Variants in RXFP1 observed in about 807,000 individuals in gnomAD.
RXFP1 encodes relaxin family peptide receptor 1.
Under a neutral mutation model 89.8 loss-of-function variants are expected in RXFP1, and 73 were observed. That is an observed-to-expected ratio of 0.81 (90% CI 0.67 to 0.99). The LOEUF (loss-of-function observed/expected upper bound fraction) is 0.99. Ranked by LOEUF, RXFP1 falls within the 50% of genes least tolerant of loss-of-function variation. The pLI is 0.00. For synonymous variants in RXFP1, 277 were observed against 305.5 expected, an observed-to-expected ratio of 0.91 and a Z score of 0.97; for missense variants, 793 against 895.5, an observed-to-expected ratio of 0.89 and a Z score of 1.46.
intron 14 of RXFP1, among the ~76,000 whole-genome samples, chr4:158,641,669 T>C (rs1770402488): frequency 1.3e-5 from 2 of 152,226 alleles, no homozygotes; most frequent in African/African-American, 4.8e-5. Flanking sequence ...CATCAGGTTT[T>C]TATCTTTTCT....
intron 11 of RXFP1, among the ~76,000 whole-genome samples, chr4:158,632,246 C>T (rs1291346999): frequency 1.3e-5 from 2 of 152,116 alleles, no homozygotes; most frequent in Non-Finnish European, 2.9e-5. Flanking sequence ...GCAGCAAAGA[C>T]GTTTATAATA....
chr4:158,645,106 A>G lies in RXFP1; in HGVS notation c.1313A>G (p.Lys438Arg). Residue 438 changes from lysine (K) to arginine (R), a missense_variant, in exon 15 of 18, where the codon AAG becomes AGG. Transcript: ENST00000307765. ...CGACCTTATATCAGGTCTGAGAACAAGCTGTATGCCATGTCAATCATTTCT... is the reference window on the plus strand; with the variant it reads ...CGACCTTATATCAGGTCTGAGAACAGGCTGTATGCCATGTCAATCATTTCT... Reference protein sequence around the residue: ...CMRPYIRSENKLYAMSIISLC... With the variant: ...CMRPYIRSENRLYAMSIISLC... 3 of 1,614,004 alleles carry G rather than the reference A, an allele frequency of 1.9e-6. No individual in the cohort carries two copies. The highest frequency in any genetic ancestry group is 2.5e-6 in the Non-Finnish European group (3 of 1,179,848).
At chr4:158,608,910 G>A (rs769439685) in intron 6 of RXFP1, among the ~76,000 whole-genome samples, 22 of 152,130 alleles carry the variant, frequency 1.4e-4, no homozygotes, top group Non-Finnish European at 2.8e-4. Context: ...TTTGTGTCTG[G>A]TTTATTTCAC....
At chr4:158,585,790 A>C (rs978629685) in intron 2 of RXFP1, among the ~76,000 whole-genome samples, 4 of 152,254 alleles carry the variant, frequency 2.6e-5, no homozygotes, top group Non-Finnish European at 5.9e-5. Flanking sequence ...ATCAATAAGC[A>C]TAGCATGAAG....
At chr4:158,629,164 C>T (rs1477565469) in intron 11 of RXFP1, among the ~76,000 whole-genome samples, 1 of 151,958 alleles carries the variant, frequency 6.6e-6, no homozygotes, top group Admixed American at 6.6e-5. Flanking sequence ...AAATATCCTG[C>T]CTCAGCCTCC....
chr4:158,652,119 G>C lies in RXFP1; in HGVS notation c.*64G>C. The C allele has an allele frequency of 7.5e-7, 1 of 1,333,876 alleles. No homozygotes were observed. Among genetic ancestry groups the C allele is most frequent in the Non-Finnish European group, 1.0e-6 (1 of 977,062 alleles). 82.6% of individuals were successfully genotyped at this position (1,333,876 alleles called of 1,614,324 possible). On this transcript the variant is annotated 3_prime_UTR_variant, in exon 18 of 18. Transcript: ENST00000307765. ...GGGGTGCTTCATGAGGGATTTACTG[G>C]TATGAAATGAATACCACAAAATTAA...
rs1167800174 is a variant in RXFP1, at chr4:158,638,050, A to G, written c.1014A>G (p.Gln338=). ...CAATCCAGAAAATTCAAGCAAACCA[A>G]TTTGATTATCTTGTCAAACTCAAGT... The part of the protein sequence containing the change: ...YNPIQKIQAN[Q]FDYLVKLKSL... Residue 338 remains glutamine, a synonymous_variant, in exon 13 of 18, where the codon CAA becomes CAG. Coordinates refer to ENST00000307765, the MANE Select transcript of RXFP1 (RefSeq NM_021634.4). 1 of 1,604,178 alleles carries G rather than the reference A, an allele frequency of 6.2e-7. No individual in the cohort carries two copies. Among genetic ancestry groups the G allele is most frequent in the Admixed American group, 1.7e-5 (1 of 59,682 alleles).
At chr4:158,636,231 A>G (rs1194887055) in intron 12 of RXFP1, among the ~76,000 whole-genome samples, 3 of 152,250 alleles carry the variant, frequency 2.0e-5, no homozygotes, top group Non-Finnish European at 1.5e-5. Flanking sequence ...TCTCTAAAAA[A>G]TTAAAATATA....
intron 1 of RXFP1, among the ~76,000 whole-genome samples, chr4:158,563,802 C>T (rs542546595): frequency 6.6e-6 from 1 of 150,660 alleles, no homozygotes; most frequent in African/African-American, 2.4e-5. Flanking sequence ...CCAAAAAATT[C>T]CTATCACCTA....
chr4:158,560,698 G>A (rs1022561194), intron 1 of RXFP1, among the ~76,000 whole-genome samples: 2 of 152,162 alleles, frequency 1.3e-5, no homozygotes, highest in East Asian at 3.8e-4. Context: ...TTGCCTCATA[G>A]ATGCAAAACT....
At chr4:158,647,950 A>C (rs1771890015) in intron 16 of RXFP1, among the ~76,000 whole-genome samples, 1 of 151,482 alleles carries the variant, frequency 6.6e-6, no homozygotes, top group Non-Finnish European at 1.5e-5. Context: ...CAGAAGGCAG[A>C]GTTGCAGTGA....
intron 14 of RXFP1, among the ~76,000 whole-genome samples, chr4:158,640,772 A>G (rs1770226704): frequency 6.6e-6 from 1 of 152,202 alleles, no homozygotes; most frequent in African/African-American, 2.4e-5. Context: ...GAATTTATAT[A>G]GGCAATATAA....
At chr4:158,530,457 G>A (rs1298054303) in intron 1 of RXFP1, among the ~76,000 whole-genome samples, 1 of 152,142 alleles carries the variant, frequency 6.6e-6, no homozygotes, top group Non-Finnish European at 1.5e-5. Flanking sequence ...TCCCAGAGCA[G>A]GCTAGAAATG....
chr4:158,546,713 G>GT (rs1560983954), intron 1 of RXFP1, among the ~76,000 whole-genome samples: 2 of 151,902 alleles, frequency 1.3e-5, no homozygotes, highest in African/African-American at 4.8e-5. Context: ...GATAATCATG[G>GT]TTTTTGTCTT....
intron 6 of RXFP1, among the ~76,000 whole-genome samples, chr4:158,611,228 A>G (rs1169160633): frequency 6.6e-6 from 1 of 152,208 alleles, no homozygotes; most frequent in African/African-American, 2.4e-5. Context: ...CACTGTTAAT[A>G]AGTAGAGGAG....
intron 1 of RXFP1, among the ~76,000 whole-genome samples, chr4:158,527,564 A>AAAAAAATATATATATATATAT (rs5741905): frequency 7.1e-5 from 7 of 98,326 alleles, no homozygotes; most frequent in African/African-American, 2.5e-4. Context: ...AAAAAAAAAA[A>AAAAAAATATATATATATATAT]ATATATATAT....
In RXFP1 at chr4:158,651,762, A is replaced by AT. The variant is rs747024712; in HGVS notation, c.1982dup (p.Thr662AsnfsTer12). ...ATTTCATTTTTCTTTTTTAGGTACCATAACCTCTTGGGTAGTGATTTTTAT... is the reference window on the plus strand; with the variant it reads ...ATTTCATTTTTCTTTTTTAGGTACCATTAACCTCTTGGGTAGTGATTTTTAT... On this transcript the variant is annotated frameshift_variant, in exon 18 of 18. Coordinates refer to ENST00000307765, the MANE Select transcript of RXFP1 (RefSeq NM_021634.4). LOFTEE classifies it high-confidence loss of function. 3.7e-6 allele frequency: 6 copies of AT among 1,604,128 alleles called. No individual in the cohort carries two copies. In the Admixed American group the frequency reaches 1.0e-4, roughly 27 times the overall value.
chr4:158,542,107 ATATT>A lies in RXFP1; in HGVS notation c.49+20084_49+20087del, dbSNP rs1201675970. ...TATATATATATATATATATATATAT[ATATT>A]TTTTTTTTAGTAGAGACAGGGTTTC... On this transcript the variant is annotated intron_variant, in intron 1 of 17. Coordinates refer to ENST00000307765, the MANE Select transcript of RXFP1 (RefSeq NM_021634.4). Among the ~76,000 whole-genome samples the A allele has an allele frequency of 1.4e-3, 40 of 28,218 alleles. 1 individual carries two copies. Among genetic ancestry groups the A allele is most frequent in the African/African-American group, 5.0e-3 (38 of 7,632 alleles). 18.5% of individuals were successfully genotyped at this position (28,218 alleles called of 152,430 possible). A position where few individuals can be genotyped will look rare whatever the true frequency, so the allele number is the denominator to read the frequency against.
intron 1 of RXFP1, among the ~76,000 whole-genome samples, chr4:158,532,210 G>A (rs78057271): frequency 6.6e-6 from 1 of 152,046 alleles, no homozygotes; most frequent in Non-Finnish European, 1.5e-5. Context: ...CTGTCTCTGA[G>A]TGAATTTACT....
Sources: gnomAD v4.1 joint callset for allele counts (sites outside exome capture counted in the v4.1 genomes callset) on GRCh38, gnomAD v4.1.1 for gene constraint, MANE v1.5 for transcripts, NCBI Gene and HGNC (gene_info 2026-07-23, HGNC 2026-07-21) for gene names.